Variants in AKAP13 observed in about 807,000 individuals in gnomAD.
The protein encoded by AKAP13 is A-kinase anchoring protein 13.
AKAP13 carries 80 observed loss-of-function variants against 264.5 expected under a neutral mutation model. That is an observed-to-expected ratio of 0.30 (90% CI 0.25 to 0.36). The LOEUF (loss-of-function observed/expected upper bound fraction) is 0.36, where lower values mean the gene tolerates loss of function less well. AKAP13 is among the 10% of genes least tolerant of loss of function. AKAP13 has a pLI of 1.00. For missense variants in AKAP13, 3,712 were observed against 3,435.2 expected, an observed-to-expected ratio of 1.08 and a Z score of -2.01; for synonymous variants, 1,380 against 1,250.2, an observed-to-expected ratio of 1.10 and a Z score of -2.19.
intron 1 of AKAP13, among the ~76,000 whole-genome samples, chr15:85,399,184 T>A (rs1341446603): frequency 6.6e-6 from 1 of 152,204 alleles, no homozygotes; most frequent in Non-Finnish European, 1.5e-5. Flanking sequence ...CCATAACTTT[T>A]AGAAAACACG....
chr15:85,508,469 G>T (rs931378948), intron 2 of AKAP13, among the ~76,000 whole-genome samples: 1 of 150,396 alleles, frequency 6.6e-6, no homozygotes, highest in Admixed American at 6.6e-5. Context: ...AAAGGTAAGG[G>T]GTTGAAGTGG....
chr15:85,565,970 A>G (rs1406807709), intron 5 of AKAP13, among the ~76,000 whole-genome samples: 1 of 152,182 alleles, frequency 6.6e-6, no homozygotes, highest in Non-Finnish European at 1.5e-5. Flanking sequence ...TGCTTTATTC[A>G]CAGGTGTTTG....
chr15:85,450,266 C>A (rs956231588), intron 1 of AKAP13, among the ~76,000 whole-genome samples: 4 of 151,988 alleles, frequency 2.6e-5, no homozygotes, highest in African/African-American at 9.7e-5. Context: ...TAGTAACATT[C>A]CCTGCGTCAC....
At chr15:85,661,346 C>G (rs1356892000) in intron 12 of AKAP13, among the ~76,000 whole-genome samples, 2 of 152,062 alleles carry the variant, frequency 1.3e-5, no homozygotes, top group African/African-American at 2.4e-5. Context: ...TTTTTTTTAT[C>G]TTGTAGGAAA....
intron 13 of AKAP13, among the ~76,000 whole-genome samples, chr15:85,668,753 C>A (rs892425282): frequency 2.6e-5 from 4 of 152,206 alleles, no homozygotes; most frequent in African/African-American, 9.6e-5. Context: ...ACCAGCCTGG[C>A]CAACATGGTG....
At chr15:85,453,375 T>C (rs961266711) in intron 1 of AKAP13, among the ~76,000 whole-genome samples, 2 of 152,168 alleles carry the variant, frequency 1.3e-5, no homozygotes, top group African/African-American at 4.8e-5. Context: ...CACTTTTCCC[T>C]AGGGCTGCTG....
chr15:85,575,476 G>A, intron 6 of AKAP13, 147 bp downstream of exon 6: 1 of 756,206 alleles, frequency 1.3e-6, no homozygotes, highest in Admixed American at 2.3e-5. Flanking sequence ...GGCGGATCAC[G>A]AGGTCAGGAG....
intron 11 of AKAP13, among the ~76,000 whole-genome samples, 185 bp from the exon 12 acceptor site, chr15:85,658,352 C>T (rs1023560328): frequency 7.9e-5 from 12 of 152,190 alleles, no homozygotes; most frequent in Admixed American, 2.6e-4. Context: ...AAGTAGCCCT[C>T]CACAGAAACT....
At position 85,643,238 on chromosome 15, in the gene AKAP13, A is replaced by G. The variant is rs574791756; in HGVS notation, c.4238-2580A>G. ...TAATTCTTTGTTGAAATTGTCTTCT[A>G]ATATGTTCATTTCTGCTACAAGACA... On this transcript the variant is annotated intron_variant, in intron 9 of 36. Coordinates refer to ENST00000394518, the MANE Select transcript of AKAP13 (RefSeq NM_007200.5). Among the ~76,000 whole-genome samples the G allele has an allele frequency of 4.1e-5, 6 of 147,166 alleles. No individual in the cohort carries two copies. The East Asian group carries it at 9.9e-4, about 24-fold the overall frequency.
intron 8 of AKAP13, among the ~76,000 whole-genome samples, chr15:85,602,144 C>T (rs1015726935): frequency 1.3e-5 from 2 of 151,920 alleles, no homozygotes; most frequent in Non-Finnish European, 2.9e-5. Flanking sequence ...ACAGTAGGTT[C>T]TTAAAAGCTA....
chr15:85,473,394 A>C (rs1423971006), intron 1 of AKAP13, among the ~76,000 whole-genome samples: 1 of 152,220 alleles, frequency 6.6e-6, no homozygotes, highest in Non-Finnish European at 1.5e-5. Context: ...CAATTCAGCA[A>C]ATATTTGAGT....
chr15:85,664,099 A>C (rs1469507462), intron 12 of AKAP13, among the ~76,000 whole-genome samples: 3 of 152,236 alleles, frequency 2.0e-5, no homozygotes, highest in Non-Finnish European at 4.4e-5. Context: ...ATGTAAAATT[A>C]TAAAGGTCCA....
chr15:85,713,435 A>G (rs1177104357), intron 19 of AKAP13, among the ~76,000 whole-genome samples: 2 of 152,030 alleles, frequency 1.3e-5, no homozygotes, highest in African/African-American at 4.8e-5. Flanking sequence ...TTCTTCAAGA[A>G]CTAGTGTTTT....
Position 85,719,034 on chromosome 15 carries a change from T to C in AKAP13, c.6002-42T>C, listed in dbSNP as rs768075695. 5.0e-6 allele frequency: 8 copies of C among 1,606,330 alleles called. No individual in the cohort carries two copies. In the Admixed American group the frequency reaches 5.0e-5, roughly 10 times the overall value. On this transcript the variant is annotated intron_variant, in intron 22 of 36. Coordinates refer to ENST00000394518, the MANE Select transcript of AKAP13 (RefSeq NM_007200.5). ...GATGATCTTTGAGGGCGAATGCTTA[T>C]AAAAGAGTGTTCCTGACACTTGATC...
chr15:85,600,054 G>A (rs534728650), intron 8 of AKAP13, among the ~76,000 whole-genome samples: 46 of 152,220 alleles, frequency 3.0e-4, no homozygotes, highest in African/African-American at 1.0e-3. Flanking sequence ...AGGCTGGTTT[G>A]TGGGAGCTTG....
intron 3 of AKAP13, among the ~76,000 whole-genome samples, chr15:85,532,711 G>A (rs553657406): frequency 9.1e-4 from 139 of 152,296 alleles, no homozygotes; most frequent in Admixed American, 2.9e-3. Context: ...TCAAAAGAAA[G>A]CCCAATTGTC....
chr15:85,744,807 C>A lies in AKAP13; in HGVS notation c.*130C>A. 1 of 822,494 alleles carries A rather than the reference C, an allele frequency of 1.2e-6. No homozygotes were observed. The highest frequency in any genetic ancestry group is 2.8e-5 in the Admixed American group (1 of 35,910). The allele number at this position is 822,494 out of a possible 1,614,324, so 50.9% of individuals were successfully genotyped here. On this transcript the variant is annotated 3_prime_UTR_variant, in exon 37 of 37. Coordinates refer to ENST00000394518, the MANE Select transcript of AKAP13 (RefSeq NM_007200.5). ...TCAGCGTCCAGTCCTCCTGGGCGGC[C>A]CCAGGTCCTGGACAATAAGCAACAG...
At position 85,726,496 on chromosome 15, in the gene AKAP13, A is replaced by T. The variant is rs1567216184; in HGVS notation, c.6822+10A>T. 1 of 1,604,720 alleles carries T rather than the reference A, an allele frequency of 6.2e-7. No homozygotes were observed. On this transcript the variant is annotated intron_variant, in intron 27 of 36. Coordinates refer to ENST00000394518, the MANE Select transcript of AKAP13 (RefSeq NM_007200.5). ...CATCTTTGCATCATTGGTAAGCTGA[A>T]TTGTTATTTTTGTAATAGTATTATA...
intron 1 of AKAP13, among the ~76,000 whole-genome samples, chr15:85,445,537 A>G (rs1351515150): frequency 6.6e-6 from 1 of 152,172 alleles, no homozygotes; most frequent in Non-Finnish European, 1.5e-5. Context: ...CCCACTTGTC[A>G]TATTATGGAA....
Sources: gnomAD v4.1 joint callset for allele counts (sites outside exome capture counted in the v4.1 genomes callset) on GRCh38, gnomAD v4.1.1 for gene constraint, MANE v1.5 for transcripts, NCBI Gene and HGNC (gene_info 2026-07-23, HGNC 2026-07-21) for gene names.